Variants in ANKRD17 observed in about 807,000 individuals in gnomAD.
The protein encoded by ANKRD17 is ankyrin repeat domain 17, also known as ankyrin repeat domain-containing protein 17.
ANKRD17 carries 19 observed loss-of-function variants against 229.7 expected under a neutral mutation model. That is an observed-to-expected ratio of 0.08 (90% CI 0.06 to 0.12). The LOEUF is 0.12. ANKRD17 is among the 10% of genes least tolerant of loss of function. ANKRD17 has a pLI of 1.00. For synonymous variants in ANKRD17, 1,112 were observed against 1,146.1 expected (o/e 0.97, Z 0.60); for missense variants, 2,176 against 3,176.8 (o/e 0.68, Z 7.57).
At chr4:73,086,053 T>C (rs1722088890) in intron 29 of ANKRD17, among the ~76,000 whole-genome samples, 1 of 152,146 alleles carries the variant, frequency 6.6e-6, no homozygotes, top group South Asian at 2.1e-4. Flanking sequence ...CATTATACTC[T>C]TAAATTCAAA....
chr4:73,250,774 T>G (rs1314692449), intron 1 of ANKRD17, among the ~76,000 whole-genome samples: 1 of 151,452 alleles, frequency 6.6e-6, no homozygotes, highest in Admixed American at 6.6e-5. Context: ...GGGCGCGATC[T>G]CTGCTCACTG....
chr4:73,125,277 G>A lies in ANKRD17; in HGVS notation c.3270C>T (p.Ala1090=), dbSNP rs1186560795. 6.2e-7 allele frequency: 1 copy of A among 1,613,738 alleles called. No individual in the cohort carries two copies. Among genetic ancestry groups the A allele is most frequent in the African/African-American group, 1.3e-5 (1 of 74,826 alleles). The change falls in exon 17 of 34, where the codon GCC becomes GCT. Residue 1090 remains alanine (A), a synonymous_variant. Coordinates refer to ENST00000358602, the MANE Select transcript of ANKRD17 (RefSeq NM_032217.5). ...CCAGTTCCTCGTGGCCACCAGCACA[G>A]GCAAGTGTTAGTGCCGTGTCATGAT... ...ESNHDTALTL[A]CAGGHEELVQ...
intron 24 of ANKRD17, among the ~76,000 whole-genome samples, chr4:73,106,598 G>A (rs945281604): frequency 4.6e-5 from 7 of 151,958 alleles, no homozygotes; most frequent in Admixed American, 1.3e-4. Flanking sequence ...AAAAATACGC[G>A]GGCTGGGCAC....
At chr4:73,078,299 C>T (rs1721204002) in intron 31 of ANKRD17, among the ~76,000 whole-genome samples, 1 of 152,150 alleles carries the variant, frequency 6.6e-6, no homozygotes, top group African/African-American at 2.4e-5. Context: ...ATGGCATGAA[C>T]CCGGGAGGCG....
At chr4:73,180,312 AACACAGGGTTTT>A (rs1365365895) in intron 1 of ANKRD17, among the ~76,000 whole-genome samples, 6 of 152,162 alleles carry the variant, frequency 3.9e-5, no homozygotes, top group Non-Finnish European at 5.9e-5. Flanking sequence ...TATGTGATAG[AACACAGGGTTTT>A]ACACAGGGTT....
rs778299122 is a variant in ANKRD17, at chr4:73,098,307, G to T, written c.4787C>A (p.Pro1596Gln). ...DDPLPISYSQ[P>Q]EKVNGESKSS... The stretch of plus-strand genomic sequence containing the variant: ...CTTGGACTCTCCATTCACCTTCTCT[G>T]GCTGACTGTATGAAATTGGTAGTGG... The change falls in exon 26 of 34, where the codon CCA (proline) becomes CAA (glutamine). Residue 1596 changes from proline (P) to glutamine (Q), a missense_variant. This residue lies in a region of ANKRD17 where 105 missense variants were observed against 118.3 expected (regional missense o/e 0.89). Transcript: ENST00000358602. 13 of 1,614,128 alleles carry T rather than the reference G, an allele frequency of 8.1e-6. No homozygotes were observed. The highest frequency in any genetic ancestry group is 1.1e-5 in the Non-Finnish European group (13 of 1,180,020).
intron 3 of ANKRD17, among the ~76,000 whole-genome samples, chr4:73,159,987 C>T (rs926314893): frequency 6.6e-6 from 1 of 152,074 alleles, no homozygotes; most frequent in East Asian, 1.9e-4. Context: ...TATGAAAACA[C>T]CATTAGACAA....
chr4:73,113,755 A>C, intron 24 of ANKRD17, 37 bp downstream of exon 24: 1 of 1,422,854 alleles, frequency 7.0e-7, no homozygotes, highest in South Asian at 1.2e-5. Context: ...AAGATGGAAA[A>C]AAGTGGGTAG....
chr4:73,142,615 C>G (rs769434998), intron 12 of ANKRD17, 25 bp downstream of exon 12: 1 of 1,613,758 alleles, frequency 6.2e-7, no homozygotes, highest in South Asian at 1.1e-5. Flanking sequence ...ATTCACAATT[C>G]TGCACAAACA....
chr4:73,250,814 C>A (rs1439852783), intron 1 of ANKRD17, among the ~76,000 whole-genome samples: 1 of 151,806 alleles, frequency 6.6e-6, no homozygotes, highest in East Asian at 1.9e-4. Flanking sequence ...TAAAGCAATT[C>A]TCCTGCCTCA....
chr4:73,255,370 T>C (rs1365768885), intron 1 of ANKRD17, among the ~76,000 whole-genome samples: 1 of 152,238 alleles, frequency 6.6e-6, no homozygotes, highest in Non-Finnish European at 1.5e-5. Context: ...TCAGGTTAAA[T>C]ACCACAAAAC....
chr4:73,174,285 A>C (rs916546622), intron 2 of ANKRD17, among the ~76,000 whole-genome samples: 2 of 152,344 alleles, frequency 1.3e-5, no homozygotes, highest in Admixed American at 1.3e-4. Context: ...TAACACATGC[A>C]AGTCAATAAA....
intron 1 of ANKRD17, among the ~76,000 whole-genome samples, chr4:73,238,679 A>T (rs1743738399): frequency 6.6e-6 from 1 of 152,158 alleles, no homozygotes; most frequent in African/African-American, 2.4e-5. Flanking sequence ...GTATTCATAC[A>T]GATCTGTAAA....
intron 1 of ANKRD17, among the ~76,000 whole-genome samples, chr4:73,214,093 G>C (rs1740682154): frequency 6.6e-6 from 1 of 152,076 alleles, no homozygotes; most frequent in Non-Finnish European, 1.5e-5. Context: ...CTGACTTCCT[G>C]AAATTCTGAA....
intron 11 of ANKRD17, 89 bp from the exon 12 acceptor site, chr4:73,142,856 A>T: frequency 7.0e-7 from 1 of 1,420,844 alleles, no homozygotes; most frequent in Non-Finnish European, 9.4e-7. Context: ...GAGTAGAGAA[A>T]ATAGTATTAT....
intron 1 of ANKRD17, among the ~76,000 whole-genome samples, chr4:73,236,132 T>C (rs149831547): frequency 5.9e-5 from 9 of 152,262 alleles, no homozygotes; most frequent in Admixed American, 1.3e-4. Flanking sequence ...GGATGGTCAA[T>C]AACTCCTCAA....
intron 25 of ANKRD17, chr4:73,099,003 C>T: frequency 1.0e-6 from 1 of 980,312 alleles, no homozygotes. Context: ...TGGGGCCAAC[C>T]AAAGGGAAGC....
In ANKRD17 at chr4:73,090,987, A is replaced by G; in HGVS notation, c.6641T>C (p.Val2214Ala). The G allele has an allele frequency of 6.2e-7, 1 of 1,614,222 alleles. No individual in the cohort carries two copies. Among genetic ancestry groups the G allele is most frequent in the Non-Finnish European group, 8.5e-7 (1 of 1,180,036 alleles). Residue 2214 changes from valine (V) to alanine (A), a missense_variant, in exon 29 of 34, where the codon GTT becomes GCT. Transcript: ENST00000358602. ...CGAAGGTAGCTGGACAGAAGAGGGA[A>G]CACTGTGAGGTCTTTTAATGTGATT... ...SVNHIKRPHS[V>A]PSSVQLPSTL... is the part of the protein sequence containing the mutation.
intron 2 of ANKRD17, among the ~76,000 whole-genome samples, chr4:73,169,708 C>T (rs1733717323): frequency 6.6e-6 from 1 of 152,126 alleles, no homozygotes; most frequent in African/African-American, 2.4e-5. Context: ...CCAATGACAC[C>T]CCTCCCTAAT....
Sources: gnomAD v4.1 joint callset for allele counts (sites outside exome capture counted in the v4.1 genomes callset) on GRCh38, gnomAD v4.1.1 for gene constraint, gnomAD v4.1.1 regional missense constraint, MANE v1.5 for transcripts, NCBI Gene and HGNC (gene_info 2026-07-23, HGNC 2026-07-21) for gene names.